Variants in PXDN observed in about 807,000 individuals in gnomAD.
The protein encoded by PXDN is peroxidasin homolog.
A neutral mutation model predicts 140.3 loss-of-function variants in PXDN; 77 were observed. That is an observed-to-expected ratio of 0.55 (90% CI 0.46 to 0.66). The LOEUF (loss-of-function observed/expected upper bound fraction) is 0.66. Ranked by LOEUF, PXDN falls within the 30% of genes least tolerant of loss-of-function variation. The pLI, the probability that PXDN is intolerant of heterozygous loss-of-function variation, is 0.00. For synonymous variants in PXDN, 911 were observed against 857.4 expected (o/e 1.06, Z -1.09); for missense variants, 1,838 against 2,039.5 (o/e 0.90, Z 1.90).
chr2:1,667,984 G>A lies in PXDN; in HGVS notation c.1019-1498C>T, dbSNP rs181418369. ...TTTCATATGGACCAAAAAGCAGCCC[G>A]TATAGCCAAGACAATCTTAAGCAAA... On this transcript the variant is annotated intron_variant, in intron 9 of 22. Coordinates refer to ENST00000252804, the MANE Select transcript of PXDN (RefSeq NM_012293.3). 1.3e-4 allele frequency among the ~76,000 whole-genome samples: 20 copies of A among 152,272 alleles called. 1 individual carries two copies. The South Asian group carries it at 2.5e-3, about 19-fold the overall frequency.
chr2:1,699,941 A>G (rs1442543275), intron 1 of PXDN, among the ~76,000 whole-genome samples: 1 of 152,150 alleles, frequency 6.6e-6, no homozygotes, highest in African/African-American at 2.4e-5. Context: ...CTATGTTTCT[A>G]ACTAATAAGA....
In PXDN at chr2:1,687,412, C is replaced by T. The variant is rs940083068; in HGVS notation, c.416+220G>A. Among the ~76,000 whole-genome samples, 4 of 151,950 alleles carry T rather than the reference C, an allele frequency of 2.6e-5. No homozygotes were observed. The highest frequency in any genetic ancestry group is 6.6e-5 in the Admixed American group (1 of 15,254). On this transcript the variant is annotated intron_variant, in intron 4 of 22. Transcript: ENST00000252804. The surrounding 1 kb of genome is among the most constrained non-coding windows in gnomAD (Gnocchi z 4.0). ...TGCCGCCGTAAGGAAACCAGGGATA[C>T]GTCCTGAGGGGTGGGTGGAGGGCTG...
rs749183189 is a variant in PXDN at position 1,649,556 on chromosome 2, G to C, written c.2224C>G (p.Arg742Gly). ...TTGTTACAGGTGCCGTCGTGCGTCC[G>C]GTACTTCTGGTGGAAGCACATGTCC... Reference protein sequence around the residue: ...CSDMCFHQKYRTHDGTCNNLQ... With the variant: ...CSDMCFHQKYGTHDGTCNNLQ... Residue 742 changes from arginine (R) to glycine (G), a missense_variant, in exon 17 of 23, where the codon CGG becomes GGG. Around this residue, in one of 5 missense-constraint regions of PXDN, gnomAD observed 537 missense variants for 583.9 expected, o/e 0.92. Transcript: ENST00000252804. This position sits in a 1 kb window ranked among gnomAD's most constrained non-coding sequence, Gnocchi z 7.1. 1.2e-6 allele frequency: 2 copies of C among 1,614,038 alleles called. No homozygotes were observed. The highest frequency in any genetic ancestry group is 1.3e-5 in the African/African-American group (1 of 75,064).
intron 2 of PXDN, chr2:1,692,629 T>C (rs1684209970): frequency 4.2e-6 from 2 of 472,628 alleles, no homozygotes; most frequent in South Asian, 3.1e-5. Context: ...GACTTGGCCC[T>C]GCCTGCTCCC....
upstream of PXDN, chr2:1,744,898 CCAGGCGCG>C (rs1219595069): frequency 1.3e-5 from 2 of 156,632 alleles, no homozygotes; most frequent in East Asian, 1.9e-4. Context: ...GGGCACGATT[CCAGGCGCG>C]CAGGCGCGCT....
At chr2:1,676,258 T>A (rs1683706908) in intron 8 of PXDN, 1 of 146,392 alleles carries the variant, frequency 6.8e-6, no homozygotes, top group Non-Finnish European at 1.5e-5. Flanking sequence ...AGCGCAGGGG[T>A]GCTCCCCACA....
chr2:1,650,360 G>A (rs1045894080), intron 16 of PXDN, among the ~76,000 whole-genome samples: 2 of 152,208 alleles, frequency 1.3e-5, no homozygotes, highest in Admixed American at 6.5e-5. Context: ...GCAAGCGCAC[G>A]CTCCCATGAG....
At chr2:1,681,299 C>T (rs2125442199) in intron 6 of PXDN, among the ~76,000 whole-genome samples, 1 of 152,122 alleles carries the variant, frequency 6.6e-6, no homozygotes, top group Non-Finnish European at 1.5e-5. Flanking sequence ...TGCTGAGGGT[C>T]TCTATTTCCC....
chr2:1,706,964 C>G (rs62116629), intron 1 of PXDN, among the ~76,000 whole-genome samples: 1 of 104,072 alleles, frequency 9.6e-6, no homozygotes, highest in Non-Finnish European at 2.0e-5. Context: ...TAATACAATC[C>G]GAGAGCACGC....
chr2:1,740,871 G>A (rs1019557383), intron 1 of PXDN, among the ~76,000 whole-genome samples: 1 of 152,180 alleles, frequency 6.6e-6, no homozygotes, highest in Admixed American at 6.5e-5. Flanking sequence ...AGGAGGCCCC[G>A]CCCTGGCTGC....
intron 1 of PXDN, among the ~76,000 whole-genome samples, chr2:1,717,613 T>TG: frequency 6.6e-6 from 1 of 152,054 alleles, no homozygotes; most frequent in South Asian, 2.1e-4. Flanking sequence ...GGTCTTCTAA[T>TG]AATGCAGACA....
rs1443578990 is a variant in PXDN, at chr2:1,676,914, G to A, written c.848+13C>T. ...GAGATGCACAGGGGCATTTCTGTTTGGCCCCAACTCACTTGTTTCGCAGCC... is the reference window on the plus strand; with the variant it reads ...GAGATGCACAGGGGCATTTCTGTTTAGCCCCAACTCACTTGTTTCGCAGCC... On this transcript the variant is annotated intron_variant, in intron 8 of 22. Transcript: ENST00000252804. The A allele has an allele frequency of 6.2e-7, 1 of 1,603,134 alleles. No homozygotes were observed. The highest frequency in any genetic ancestry group is 1.7e-5 in the Admixed American group (1 of 58,802).
Position 1,660,571 on chromosome 2 carries a change from G to A in PXDN, c.1837+310C>T, listed in dbSNP as rs1043332905. ...CACCTGGTCATTTCTGGACAGATGT[G>A]GATGACCCCGGAGCAAAGCTCTGCC... On this transcript the variant is annotated intron_variant, in intron 14 of 22. Coordinates refer to ENST00000252804, the MANE Select transcript of PXDN (RefSeq NM_012293.3). The surrounding 1 kb of genome is among the most constrained non-coding windows in gnomAD (Gnocchi z 4.6). Among the ~76,000 whole-genome samples, 2 of 152,214 alleles carry A rather than the reference G, an allele frequency of 1.3e-5. No individual in the cohort carries two copies. Among genetic ancestry groups the A allele is most frequent in the Non-Finnish European group, 2.9e-5 (2 of 68,036 alleles).
At chr2:1,723,474 TAATA>T (rs1317935179) in intron 1 of PXDN, among the ~76,000 whole-genome samples, 1 of 152,020 alleles carries the variant, frequency 6.6e-6, no homozygotes, top group Non-Finnish European at 1.5e-5. Flanking sequence ...ATGGATGAAC[TAATA>T]AATGGGCAGA....
rs1251885116 is a variant in PXDN, at chr2:1,680,369, G to A, written c.561-7C>T. ...TGTGTTTGAGTCCAGTCGCCTGTGG[G>A]AAGGAAGATGCAGCCGGTGAGACAT... is the stretch of plus-strand genomic sequence containing the variant. On this transcript the variant is annotated splice_region_variant and splice_polypyrimidine_tract_variant and intron_variant, in intron 6 of 22. Transcript: ENST00000252804. 7 of 1,613,786 alleles carry A rather than the reference G, an allele frequency of 4.3e-6. No individual in the cohort carries two copies. The highest frequency in any genetic ancestry group is 1.3e-5 in the African/African-American group (1 of 74,934).
rs1684022988 is a variant in PXDN, at chr2:1,685,241, G to T, written c.417-1090C>A. Among the ~76,000 whole-genome samples, 3 of 152,232 alleles carry T rather than the reference G, an allele frequency of 2.0e-5. No homozygotes were observed. In the South Asian group the frequency reaches 6.2e-4, roughly 32 times the overall value. On this transcript the variant is annotated intron_variant, in intron 4 of 22. Coordinates refer to ENST00000252804, the MANE Select transcript of PXDN (RefSeq NM_012293.3). The surrounding 1 kb of genome is among the most constrained non-coding windows in gnomAD (Gnocchi z 5.1). ...CAAACGCAGACCATCCCTGCCCCTT[G>T]CCCCGGGACAGGTCTGTGCTCAGCA...
At chr2:1,711,188 G>T (rs866699712) in intron 1 of PXDN, among the ~76,000 whole-genome samples, 5 of 34,186 alleles carry the variant, frequency 1.5e-4, no homozygotes, top group Admixed American at 3.9e-4. Flanking sequence ...ACCAGCACCC[G>T]CTCCACCAGC....
In PXDN at chr2:1,654,489, A is replaced by G. The variant is rs761665541; in HGVS notation, c.1857T>C (p.Asn619=). Reference sequence around the variant, plus strand: ...TGGAGGTAGCTACAAACGGATCTCCATTTCGACTGACGTCAGGAACTAGGA... The same window carrying G: ...TGGAGGTAGCTACAAACGGATCTCCGTTTCGACTGACGTCAGGAACTAGGA... ...LSVNVPDVSR[N]GDPFVATSIV... Residue 619 remains asparagine (N), a synonymous_variant, in exon 15 of 23, where the codon AAT becomes AAC. Coordinates refer to ENST00000252804, the MANE Select transcript of PXDN (RefSeq NM_012293.3). 1.8e-5 allele frequency: 29 copies of G among 1,613,234 alleles called. No homozygotes were observed. Among genetic ancestry groups the G allele is most frequent in the Non-Finnish European group, 2.4e-5 (28 of 1,179,260 alleles).
At chr2:1,655,661 G>A (rs1020920682) in intron 14 of PXDN, among the ~76,000 whole-genome samples, 26 of 150,144 alleles carry the variant, frequency 1.7e-4, no homozygotes, top group Non-Finnish European at 3.4e-4. Context: ...CTCCTGACAG[G>A]AATCTGCCCC....
Sources: gnomAD v4.1 joint callset for allele counts (sites outside exome capture counted in the v4.1 genomes callset) on GRCh38, gnomAD v4.1.1 for gene constraint, gnomAD v4.1.1 regional missense constraint, Gnocchi (gnomAD v3.1) non-coding constraint, MANE v1.5 for transcripts, NCBI Gene and HGNC (gene_info 2026-07-23, HGNC 2026-07-21) for gene names.